OSTM1: variants seen among roughly 807,000 people sequenced by gnomAD.
OSTM1 encodes osteoclastogenesis associated transmembrane protein 1, also known as osteopetrosis-associated transmembrane protein 1.
Under a neutral mutation model 35.4 loss-of-function variants are expected in OSTM1, and 26 were observed. The ratio of observed to expected loss-of-function variants is 0.73; its 90% CI spans 0.54 to 1.02. The LOEUF (loss-of-function observed/expected upper bound fraction) is 1.02. Ranked by LOEUF, OSTM1 falls within the 50% of genes least tolerant of loss-of-function variation. The pLI, the probability that OSTM1 is intolerant of heterozygous loss-of-function variation, is 0.00. For synonymous variants in OSTM1, 181 were observed against 165.0 expected (o/e 1.10, Z -0.75); for missense variants, 366 against 409.6 (o/e 0.89, Z 0.92).
chr6:108,049,359 G>GTCAC lies in OSTM1; in HGVS notation c.839_842dup (p.Asp281GlufsTer2). On this transcript the variant is annotated stop_gained and frameshift_variant, in exon 5 of 6. Transcript: ENST00000193322. LOFTEE classifies it high-confidence loss of function. The stretch of plus-strand genomic sequence containing the variant: ...CAGAAACAGCAATTACAGGCACTGT[G>GTCAC]TCACTGCAAGGGACTGAACAGTTGA... The GTCAC allele has an allele frequency of 6.2e-7, 1 of 1,613,268 alleles. No homozygotes were observed. Among genetic ancestry groups the GTCAC allele is most frequent in the Non-Finnish European group, 8.5e-7 (1 of 1,179,258 alleles).
intron 1 of OSTM1, among the ~76,000 whole-genome samples, chr6:108,071,460 A>AT (rs545759140): frequency 0.097 from 10,075 of 103,388 alleles, 691 homozygotes; most frequent in East Asian, 0.2. Context: ...CACCCGGCTA[A>AT]TTTTTTTTTT....
At position 108,049,239 on chromosome 6, in the gene OSTM1, T is replaced by C. The variant is rs373796515; in HGVS notation, c.949+14A>G. 41 of 1,577,536 alleles carry C rather than the reference T, an allele frequency of 2.6e-5. No homozygotes were observed. In the Middle Eastern group the frequency reaches 5.0e-4, roughly 19 times the overall value. On this transcript the variant is annotated intron_variant, in intron 5 of 5. Coordinates refer to ENST00000193322, the MANE Select transcript of OSTM1 (RefSeq NM_014028.4). ...GGCTTTTATCTATAAAATAAATAAT[T>C]GTAAAAAACTTACGCAGAATGAGTT...
At chr6:108,073,033 C>G (rs1772514267) in intron 1 of OSTM1, among the ~76,000 whole-genome samples, 1 of 152,238 alleles carries the variant, frequency 6.6e-6, no homozygotes, top group Non-Finnish European at 1.5e-5. Flanking sequence ...TAGTCTCCAA[C>G]TCCTGACCTC....
chr6:108,057,897 T>C (rs1772195979), intron 2 of OSTM1, among the ~76,000 whole-genome samples: 1 of 152,116 alleles, frequency 6.6e-6, no homozygotes, highest in South Asian at 2.1e-4. Context: ...TTAAAGAATA[T>C]TAATAATAAT....
intron 2 of OSTM1, among the ~76,000 whole-genome samples, chr6:108,059,325 T>G (rs1161407107): frequency 1.3e-5 from 2 of 152,234 alleles, no homozygotes; most frequent in Non-Finnish European, 2.9e-5. Context: ...TTATTTGTAG[T>G]ATGAGTAGAA....
chr6:108,065,605 C>G (rs1405106126), intron 1 of OSTM1, among the ~76,000 whole-genome samples: 3 of 152,086 alleles, frequency 2.0e-5, no homozygotes, highest in African/African-American at 7.2e-5. Context: ...AGCTAGTGAC[C>G]TTGGGCAGCT....
Position 108,074,638 on chromosome 6 carries a change from G to C in OSTM1, c.14C>G (p.Pro5Arg), listed in dbSNP as rs368859294. Residue 5 changes from proline (P) to arginine (R), a missense_variant, in exon 1 of 6, where the codon CCG becomes CGG. Pro to Arg is a moderately radical substitution (Grantham distance 103). Around this residue, in one of 3 missense-constraint regions of OSTM1, gnomAD observed 236 missense variants for 239.3 expected, o/e 0.99. Coordinates refer to ENST00000193322, the MANE Select transcript of OSTM1 (RefSeq NM_014028.4). ...CGAACACCTCCGCTGCGCGGCTGTC[G>C]GGCCCGGCTCCATCACCGGGCTCAC... Reference protein sequence around the residue: MEPGPTAAQRRCSLP... With the variant: MEPGRTAAQRRCSLP... The C allele has an allele frequency of 3.9e-6, 6 of 1,550,934 alleles. No homozygotes were observed. The highest frequency in any genetic ancestry group is 1.4e-5 in the African/African-American group (1 of 73,586).
At chr6:108,058,643 T>C (rs150803825) in intron 2 of OSTM1, among the ~76,000 whole-genome samples, 2,614 of 152,208 alleles carry the variant, frequency 0.017, 64 homozygotes, top group African/African-American at 0.06. Flanking sequence ...CCGGGCGTGG[T>C]GGTGGGCACC....
At chr6:108,071,919 C>T (rs2114613582) in intron 1 of OSTM1, among the ~76,000 whole-genome samples, 1 of 152,292 alleles carries the variant, frequency 6.6e-6, no homozygotes, top group East Asian at 1.9e-4. Context: ...TACAACTCCC[C>T]CACTGGGAAG....
Position 108,050,518 on chromosome 6 carries a change from T to A in OSTM1, c.783+513A>T, listed in dbSNP as rs920616831. On this transcript the variant is annotated intron_variant, in intron 4 of 5. Transcript: ENST00000193322. ...AGCTGGGATAACAGGCGTGTGCCAC[T>A]ACACCCGGCTAATTTTTCTATTTTT... Among the ~76,000 whole-genome samples the A allele has an allele frequency of 3.3e-5, 5 of 152,148 alleles. No homozygotes were observed. The East Asian group carries it at 9.7e-4, about 29-fold the overall frequency.
In OSTM1 at chr6:108,043,736, A is replaced by C. The variant is rs1389987510; in HGVS notation, c.*1049T>G. ...TTTCATCTGATTGAAATAATTTAGAAACAATAAGGATGATCTTAATCTCAC... is the reference window on the plus strand; with the variant it reads ...TTTCATCTGATTGAAATAATTTAGACACAATAAGGATGATCTTAATCTCAC... On this transcript the variant is annotated 3_prime_UTR_variant, in exon 6 of 6. Transcript: ENST00000193322. The C allele has an allele frequency of 6.6e-6, 1 of 152,202 alleles. No homozygotes were observed. Among genetic ancestry groups the C allele is most frequent in the Non-Finnish European group, 1.5e-5 (1 of 68,038 alleles). 9.4% of individuals were successfully genotyped at this position (152,202 alleles called of 1,614,324 possible). A position where few individuals can be genotyped will look rare whatever the true frequency, so the allele number is the denominator to read the frequency against.
Position 108,074,580 on chromosome 6 carries a change from C to T in OSTM1, c.72G>A (p.Leu24=), listed in dbSNP as rs770742674. The part of the protein sequence containing the change: ...LPPWLPLGLL[L]WSGLALGALP... ...GCGCGCCCAGGGCCAGCCCCGACCA[C>T]AGCAGCAGCCCCAGCGGCAGCCACG... The change falls in exon 1 of 6, where the codon CTG becomes CTA. Residue 24 remains leucine (L), a synonymous_variant. Transcript: ENST00000193322. 18 of 1,565,556 alleles carry T rather than the reference C, an allele frequency of 1.1e-5. No individual in the cohort carries two copies. In the Admixed American group the frequency reaches 3.3e-4, roughly 29 times the overall value.
chr6:108,071,344 C>G (rs1772479971), intron 1 of OSTM1, among the ~76,000 whole-genome samples: 2 of 151,424 alleles, frequency 1.3e-5, no homozygotes, highest in African/African-American at 4.8e-5. Flanking sequence ...CTTACTCTGT[C>G]CCCCAGGTTG....
chr6:108,071,061 G>A (rs1206034648), intron 1 of OSTM1, among the ~76,000 whole-genome samples: 3 of 151,356 alleles, frequency 2.0e-5, no homozygotes, highest in Non-Finnish European at 4.4e-5. Flanking sequence ...GGTGGCGGGC[G>A]CCTGTAGTCC....
At chr6:108,059,224 C>A (rs1467642902) in intron 2 of OSTM1, among the ~76,000 whole-genome samples, 1 of 152,220 alleles carries the variant, frequency 6.6e-6, no homozygotes, top group Non-Finnish European at 1.5e-5. Context: ...CCTATGTCAA[C>A]AATACACACC....
chr6:108,074,216 TG>T, intron 1 of OSTM1, 33 bp downstream of exon 1: 1 of 1,607,428 alleles, frequency 6.2e-7, no homozygotes, highest in Non-Finnish European at 8.5e-7. Context: ...CCAACTCTCC[TG>T]AGCCACAGTC....
chr6:108,054,403 A>C (rs1772135165), intron 3 of OSTM1, 87 bp downstream of exon 3: 1 of 619,752 alleles, frequency 1.6e-6, no homozygotes, highest in Admixed American at 2.8e-5. Flanking sequence ...GATAAATATC[A>C]ATAATTAGTG....
chr6:108,065,235 A>C (rs1255691606), intron 1 of OSTM1, among the ~76,000 whole-genome samples: 1 of 148,290 alleles, frequency 6.7e-6, no homozygotes, highest in Non-Finnish European at 1.5e-5. Flanking sequence ...ATTTTCTATT[A>C]TCACTTTTTT....
intron 2 of OSTM1, among the ~76,000 whole-genome samples, chr6:108,057,880 T>C (rs1251952103): frequency 6.6e-6 from 1 of 152,058 alleles, no homozygotes; most frequent in African/African-American, 2.4e-5. Context: ...TTTTAGAAAT[T>C]GGTGAGTTAA....
Sources: gnomAD v4.1 joint callset for allele counts (sites outside exome capture counted in the v4.1 genomes callset) on GRCh38, gnomAD v4.1.1 for gene constraint, gnomAD v4.1.1 regional missense constraint, MANE v1.5 for transcripts, NCBI Gene and HGNC (gene_info 2026-07-23, HGNC 2026-07-21) for gene names.